GBF1: variants seen among roughly 807,000 people sequenced by gnomAD.
GBF1 encodes the protein golgi brefeldin A resistant guanine nucleotide exchange factor 1, also known as Golgi-specific brefeldin A-resistance guanine nucleotide exchange factor 1.
In GBF1, 114 loss-of-function variants were observed where a neutral mutation model predicts 210.5. That is an observed-to-expected ratio of 0.54 (90% CI 0.47 to 0.63). GBF1 has a LOEUF of 0.63. Among genes scored for constraint, GBF1 ranks in the 30% least tolerant of loss-of-function variants. GBF1 has a pLI of 0.00. For synonymous variants in GBF1, 850 were observed against 889.2 expected, an observed-to-expected ratio of 0.96 and a Z score of 0.78; for missense variants, 1,851 against 2,357.7, an observed-to-expected ratio of 0.79 and a Z score of 4.45.
intron 7 of GBF1, among the ~76,000 whole-genome samples, chr10:102,353,073 A>C (rs1002981667): frequency 2.2e-4 from 33 of 152,230 alleles, no homozygotes; most frequent in Non-Finnish European, 4.3e-4. Flanking sequence ...GAGCTGAGGC[A>C]ATGGCTTTAA....
At chr10:102,273,298 C>T (rs1000313347) in intron 3 of GBF1, among the ~76,000 whole-genome samples, 5 of 152,042 alleles carry the variant, frequency 3.3e-5, no homozygotes, top group Admixed American at 1.3e-4. Flanking sequence ...CGCCACTGCA[C>T]TGCAGCCTGG....
chr10:102,252,004 C>T (rs553043978), intron 1 of GBF1, among the ~76,000 whole-genome samples: 2 of 152,004 alleles, frequency 1.3e-5, no homozygotes, highest in Admixed American at 1.3e-4. Context: ...GCCTGGCCAA[C>T]ATGGTGAAAC....
intron 3 of GBF1, among the ~76,000 whole-genome samples, chr10:102,307,650 G>A (rs902720262): frequency 6.6e-6 from 1 of 152,114 alleles, no homozygotes; most frequent in Non-Finnish European, 1.5e-5. Context: ...AATTAGCCGG[G>A]CGTGGTGGCG....
intron 3 of GBF1, among the ~76,000 whole-genome samples, chr10:102,271,918 AT>A (rs1206345438): frequency 2.0e-5 from 3 of 150,930 alleles, no homozygotes; most frequent in Non-Finnish European, 4.4e-5. Flanking sequence ...TGCCCAGCCA[AT>A]TTTTTGTATT....
At chr10:102,247,727 T>C (rs2071020802) in intron 1 of GBF1, among the ~76,000 whole-genome samples, 1 of 152,132 alleles carries the variant, frequency 6.6e-6, no homozygotes, top group African/African-American at 2.4e-5. Context: ...TACCCACAAA[T>C]CAGAAAATTC....
intron 1 of GBF1, among the ~76,000 whole-genome samples, chr10:102,251,963 TCAGGAGTTTGAGAC>T (rs552377943): frequency 5.7e-4 from 86 of 151,648 alleles, no homozygotes; most frequent in African/African-American, 1.9e-3. Context: ...TCACTTGAGG[TCAGGAGTTTGAGAC>T]CAGGAGTTTG....
chr10:102,347,607 G>A (rs1006829347), intron 4 of GBF1, among the ~76,000 whole-genome samples: 1 of 152,194 alleles, frequency 6.6e-6, no homozygotes, highest in African/African-American at 2.4e-5. Context: ...CAGTGGGCAT[G>A]AGAAAAGGAG....
intron 1 of GBF1, among the ~76,000 whole-genome samples, chr10:102,257,215 T>C (rs1018675494): frequency 8.5e-5 from 13 of 152,260 alleles, no homozygotes; most frequent in Non-Finnish European, 1.8e-4. Context: ...TCAGTTAATA[T>C]GAGTTTTCAG....
chr10:102,373,110 A>G (rs766180323), intron 29 of GBF1, among the ~76,000 whole-genome samples: 4 of 152,242 alleles, frequency 2.6e-5, no homozygotes, highest in Non-Finnish European at 2.9e-5. Context: ...TGCAAATCAC[A>G]TATTTGAAGA....
chr10:102,363,986 T>C lies in GBF1; in HGVS notation c.2106+188T>C, dbSNP rs756399876. Among the ~76,000 whole-genome samples the C allele has an allele frequency of 4.6e-5, 7 of 152,072 alleles. No homozygotes were observed. Among genetic ancestry groups the C allele is most frequent in the Admixed American group, 4.6e-4 (7 of 15,266 alleles). On this transcript the variant is annotated intron_variant, in intron 17 of 39. Transcript: ENST00000369983. The surrounding 1 kb of genome is among the most constrained non-coding windows in gnomAD (Gnocchi z 4.2). ...CTTCCCTTACTCCTAAGCTATGTAG[T>C]TGAGCATACCCTATGTATGCCCCTG...
intron 3 of GBF1, among the ~76,000 whole-genome samples, chr10:102,273,464 A>G (rs1411260058): frequency 2.0e-5 from 3 of 152,246 alleles, no homozygotes; most frequent in Admixed American, 1.3e-4. Context: ...CGTAAGCTGT[A>G]TCTTCTCCTA....
At chr10:102,369,146 A>G in intron 23 of GBF1, 65 bp from the exon 24 acceptor site, 4 of 1,170,438 alleles carry the variant, frequency 3.4e-6, no homozygotes, top group Non-Finnish European at 5.1e-6. Context: ...ATAGGCAGAG[A>G]CCTAAGAGAT....
At chr10:102,325,531 A>G (rs2056821742) in intron 3 of GBF1, among the ~76,000 whole-genome samples, 1 of 144,886 alleles carries the variant, frequency 6.9e-6, no homozygotes, top group African/African-American at 2.5e-5. Flanking sequence ...AGCCTGAGCG[A>G]CAGAGCAAGA....
At chr10:102,312,730 C>T (rs1461776331) in intron 3 of GBF1, among the ~76,000 whole-genome samples, 1 of 152,186 alleles carries the variant, frequency 6.6e-6, no homozygotes, top group Non-Finnish European at 1.5e-5. Flanking sequence ...GCAGATAGAG[C>T]TTTGCCCATG....
chr10:102,304,361 T>G (rs1484497573), intron 3 of GBF1, among the ~76,000 whole-genome samples: 2 of 152,212 alleles, frequency 1.3e-5, no homozygotes, highest in African/African-American at 4.8e-5. Context: ...TGGTTCTGGT[T>G]GCAGCATCTA....
At chr10:102,284,958 A>G (rs2075818743) in intron 3 of GBF1, among the ~76,000 whole-genome samples, 2 of 152,038 alleles carry the variant, frequency 1.3e-5, no homozygotes, top group African/African-American at 2.4e-5. Flanking sequence ...TATAGCTTCA[A>G]AAGCTTTTGA....
chr10:102,346,791 G>A (rs1386975416), intron 4 of GBF1, among the ~76,000 whole-genome samples: 3 of 152,216 alleles, frequency 2.0e-5, no homozygotes, highest in Non-Finnish European at 4.4e-5. Context: ...ACGGATGTGA[G>A]CCATTGCACT....
intron 3 of GBF1, among the ~76,000 whole-genome samples, chr10:102,295,430 T>G (rs1589527903): frequency 6.6e-6 from 1 of 152,218 alleles, no homozygotes; most frequent in Non-Finnish European, 1.5e-5. Context: ...TTTATGGCAG[T>G]TATAGAAATT....
intron 4 of GBF1, among the ~76,000 whole-genome samples, chr10:102,349,390 G>T (rs1400400333): frequency 6.6e-6 from 1 of 152,048 alleles, no homozygotes; most frequent in Non-Finnish European, 1.5e-5. Flanking sequence ...AAAATTGCTG[G>T]GTGTGGTGGC....
Sources: gnomAD v4.1 joint callset for allele counts (sites outside exome capture counted in the v4.1 genomes callset) on GRCh38, gnomAD v4.1.1 for gene constraint, Gnocchi (gnomAD v3.1) non-coding constraint, MANE v1.5 for transcripts, NCBI Gene and HGNC (gene_info 2026-07-23, HGNC 2026-07-21) for gene names.